Variants in WWC2 observed in about 807,000 individuals in gnomAD.
WWC2 encodes protein WWC2.
A neutral mutation model predicts 138.5 loss-of-function variants in WWC2; 101 were observed. The ratio of observed to expected loss-of-function variants is 0.73; its 90% confidence interval spans 0.62 to 0.86. The LOEUF (loss-of-function observed/expected upper bound fraction) is 0.86, where lower values mean the gene tolerates loss of function less well. Among genes scored for constraint, WWC2 ranks in the 40% least tolerant of loss-of-function variants. The pLI, the probability that WWC2 is intolerant of heterozygous loss-of-function variation, is 0.00. For missense variants in WWC2, 1,420 were observed against 1,419.4 expected (o/e 1.00, Z -0.01); for synonymous variants, 558 against 538.4 (o/e 1.04, Z -0.50).
chr4:183,193,775 C>G, intron 2 of WWC2, 67 bp downstream of exon 2: 1 of 1,281,836 alleles, frequency 7.8e-7, no homozygotes, highest in Non-Finnish European at 1.1e-6. Context: ...TACAGTCACA[C>G]AAAAGAATAA....
At chr4:183,179,750 A>G (rs1286242489) in intron 1 of WWC2, among the ~76,000 whole-genome samples, 2 of 152,126 alleles carry the variant, frequency 1.3e-5, no homozygotes, top group East Asian at 1.9e-4. Flanking sequence ...ATACCCTGCT[A>G]TGGAATGATC....
At chr4:183,274,224 G>T (rs1354982629) in intron 16 of WWC2, among the ~76,000 whole-genome samples, 1 of 152,138 alleles carries the variant, frequency 6.6e-6, no homozygotes, top group African/African-American at 2.4e-5. Context: ...ATTTCCATAA[G>T]AGTTTTAGTA....
rs202088978 is a variant in WWC2 at position 183,265,357 on chromosome 4, G to A, written c.2039+250G>A. 5.9e-5 allele frequency among the ~76,000 whole-genome samples: 9 copies of A among 152,328 alleles called. No homozygotes were observed. In the East Asian group the frequency reaches 1.7e-3, roughly 29 times the overall value. ...TTAGAATTTAAAAACCTTGAATTTA[G>A]TGGGAATATTGGAAGAATTCACCAG... On this transcript the variant is annotated intron_variant, in intron 12 of 22. Coordinates refer to ENST00000403733, the MANE Select transcript of WWC2 (RefSeq NM_024949.6).
chr4:183,159,429 A>G (rs971927538), intron 1 of WWC2, among the ~76,000 whole-genome samples: 2 of 152,092 alleles, frequency 1.3e-5, no homozygotes, highest in African/African-American at 4.8e-5. Flanking sequence ...ATTTGAGACA[A>G]GGTCTCACTC....
intron 1 of WWC2, among the ~76,000 whole-genome samples, chr4:183,102,239 T>A (rs1743204244): frequency 2.7e-5 from 4 of 150,502 alleles, no homozygotes. Flanking sequence ...TAATATCATC[T>A]TCTTCATAGG....
intron 1 of WWC2, among the ~76,000 whole-genome samples, chr4:183,184,157 T>C (rs1466780349): frequency 2.0e-5 from 3 of 152,214 alleles, no homozygotes; most frequent in African/African-American, 4.8e-5. Flanking sequence ...CCTTGTCCCC[T>C]GGCAACCATC....
chr4:183,133,152 C>CTTTTT (rs374079982), intron 1 of WWC2, among the ~76,000 whole-genome samples: 4 of 59,188 alleles, frequency 6.8e-5, no homozygotes, highest in Admixed American at 1.8e-4. Context: ...TCTTTTTTTT[C>CTTTTT]TTTTTTTTTT....
intron 1 of WWC2, among the ~76,000 whole-genome samples, chr4:183,165,191 T>C (rs2111151410): frequency 6.6e-6 from 1 of 152,062 alleles, no homozygotes; most frequent in African/African-American, 2.4e-5. Flanking sequence ...TTAGAGAGGG[T>C]AGAAGAGGTA....
intron 22 of WWC2, among the ~76,000 whole-genome samples, chr4:183,315,032 G>A (rs778288108): frequency 2.0e-5 from 3 of 152,208 alleles, no homozygotes; most frequent in Admixed American, 6.5e-5. Context: ...ACGTGCTGAC[G>A]GCATAAATGC....
At chr4:183,244,479 G>T (rs1270143672) in intron 5 of WWC2, among the ~76,000 whole-genome samples, 1 of 151,870 alleles carries the variant, frequency 6.6e-6, no homozygotes, top group Non-Finnish European at 1.5e-5. Flanking sequence ...AATGACTACT[G>T]CCCTTCTGCC....
chr4:183,103,126 T>G (rs1167485102), intron 1 of WWC2, among the ~76,000 whole-genome samples: 1 of 151,920 alleles, frequency 6.6e-6, no homozygotes. Context: ...AACCCACTGA[T>G]AGACACTAAT....
At chr4:183,125,123 T>C (rs766201693) in intron 1 of WWC2, among the ~76,000 whole-genome samples, 1 of 152,130 alleles carries the variant, frequency 6.6e-6, no homozygotes, top group East Asian at 1.9e-4. Flanking sequence ...CTTCAGGGCT[T>C]CTTCATGCCC....
rs545056805 is a variant in WWC2 at position 183,289,689 on chromosome 4, G to A, written c.3384+54G>A. The A allele has an allele frequency of 1.3e-4, 201 of 1,584,534 alleles. 4 individuals carry two copies. The South Asian group carries it at 2.1e-3, about 17-fold the overall frequency. On this transcript the variant is annotated intron_variant, in intron 21 of 22. Coordinates refer to ENST00000403733, the MANE Select transcript of WWC2 (RefSeq NM_024949.6). Reference sequence around the variant, plus strand: ...AGGGGCTTACATCTTTTTTTAAAGCGTGCCATGTAGAAGGTACCCAACTTA... The same window carrying A: ...AGGGGCTTACATCTTTTTTTAAAGCATGCCATGTAGAAGGTACCCAACTTA...
At chr4:183,189,298 G>T (rs182915076) in intron 1 of WWC2, among the ~76,000 whole-genome samples, 1 of 151,868 alleles carries the variant, frequency 6.6e-6, no homozygotes, top group Non-Finnish European at 1.5e-5. Context: ...TTAGCCAGGC[G>T]TGGTGGCGGG....
intron 4 of WWC2, among the ~76,000 whole-genome samples, chr4:183,212,816 C>T (rs1735643700): frequency 6.6e-6 from 1 of 152,134 alleles, no homozygotes. Context: ...CCAGAATTGT[C>T]TTCTAATGTA....
chr4:183,204,417 A>G (rs1259083559), intron 2 of WWC2, among the ~76,000 whole-genome samples: 1 of 152,164 alleles, frequency 6.6e-6, no homozygotes, highest in East Asian at 1.9e-4. Context: ...AAGAGAGGTA[A>G]AATACTTAGA....
At chr4:183,110,974 T>G (rs1732212838) in intron 1 of WWC2, among the ~76,000 whole-genome samples, 1 of 152,130 alleles carries the variant, frequency 6.6e-6, no homozygotes, top group Admixed American at 6.5e-5. Flanking sequence ...GCTCGGTGGC[T>G]CACGCCTGTA....
intron 4 of WWC2, among the ~76,000 whole-genome samples, chr4:183,216,990 A>G (rs1735778085): frequency 6.6e-6 from 1 of 152,216 alleles, no homozygotes; most frequent in Non-Finnish European, 1.5e-5. Context: ...AGAGACATAG[A>G]ACCTTGAACA....
intron 9 of WWC2, among the ~76,000 whole-genome samples, chr4:183,256,057 C>T (rs527988501): frequency 6.6e-6 from 1 of 152,074 alleles, no homozygotes; most frequent in African/African-American, 2.4e-5. Flanking sequence ...GGCCCTGTCT[C>T]CCATGATTGG....
Sources: allele counts gnomAD v4.1 joint callset (sites outside exome capture counted in the v4.1 genomes callset), GRCh38; gene constraint gnomAD v4.1.1; transcripts MANE v1.5; gene names NCBI Gene and HGNC (gene_info 2026-07-23, HGNC 2026-07-21).